EVC2: variants seen among roughly 807,000 people sequenced by gnomAD.
The protein encoded by EVC2 is limbin.
EVC2 carries 148 observed loss-of-function variants against 149.3 expected under a neutral mutation model. That is an observed-to-expected ratio of 0.99 (90% CI 0.87 to 1.14). The LOEUF (loss-of-function observed/expected upper bound fraction) is 1.14. Ranked by LOEUF, EVC2 falls within the 50% of genes most tolerant of loss-of-function variation. The pLI is 0.00. For missense variants in EVC2, 1,854 were observed against 1,627.3 expected, an observed-to-expected ratio of 1.14 and a Z score of -2.40; for synonymous variants, 776 against 649.9, an observed-to-expected ratio of 1.19 and a Z score of -2.95.
intron 16 of EVC2, among the ~76,000 whole-genome samples, chr4:5,589,128 A>C (rs1457225537): frequency 1.3e-5 from 2 of 152,220 alleles, no homozygotes; most frequent in Admixed American, 1.3e-4. Flanking sequence ...GTGTTTCTAT[A>C]ATTATTGAGC....
chr4:5,633,922 G>T lies in EVC2; in HGVS notation c.1471-1890C>A, dbSNP rs930110081. 6.6e-6 allele frequency among the ~76,000 whole-genome samples: 1 copy of T among 152,190 alleles called. No homozygotes were observed. On this transcript the variant is annotated intron_variant, in intron 10 of 21. Coordinates refer to ENST00000344408, the MANE Select transcript of EVC2 (RefSeq NM_147127.5). The surrounding 1 kb of genome is among the most constrained non-coding windows in gnomAD (Gnocchi z 4.4). Reference sequence around the variant, plus strand: ...GACATGCTGATCTCTAGCTTTCTCCGTCTCTCCAGTCCCTTTTACTTATTG... The same window carrying T: ...GACATGCTGATCTCTAGCTTTCTCCTTCTCTCCAGTCCCTTTTACTTATTG...
the EVC2 span, among the ~76,000 whole-genome samples, chr4:5,535,550 GA>G: frequency 6.6e-6 from 1 of 151,194 alleles, no homozygotes; most frequent in Admixed American, 6.6e-5. The surrounding 1 kb of genome is among the most constrained non-coding windows in gnomAD (Gnocchi z 4.7). Context: ...TCTGGAGACT[GA>G]AAGGCCAAGA....
At position 5,663,134 on chromosome 4, in the gene EVC2, G is replaced by C; in HGVS notation, c.1118C>G (p.Pro373Arg). 6.2e-7 allele frequency: 1 copy of C among 1,614,158 alleles called. No homozygotes were observed. Among genetic ancestry groups the C allele is most frequent in the Non-Finnish European group, 8.5e-7 (1 of 1,179,994 alleles). ...QMIDILSSED[P>R]GSMLQALEEL... The stretch of plus-strand genomic sequence containing the variant: ...TTCTAAGGCTTGAAGCATGCTCCCA[G>C]GGTCCTCGGAAGACAGAATGTCTAT... Residue 373 changes from proline (P) to arginine (R), a missense_variant, in exon 9 of 22, where the codon CCT becomes CGT. By Grantham distance (103) the Pro-to-Arg change is moderately radical. Coordinates refer to ENST00000344408, the MANE Select transcript of EVC2 (RefSeq NM_147127.5).
downstream of EVC2, among the ~76,000 whole-genome samples, chr4:5,539,705 A>T (rs1216705322): frequency 6.6e-6 from 1 of 152,148 alleles, no homozygotes; most frequent in East Asian, 1.9e-4. Context: ...TCAAAAAATG[A>T]TGTTGTACAA....
intron 9 of EVC2, among the ~76,000 whole-genome samples, chr4:5,650,622 TATATATATATATATATAG>T (rs1264021242): frequency 2.1e-4 from 18 of 86,504 alleles, no homozygotes; most frequent in East Asian, 4.6e-4. Flanking sequence ...TATATATATA[TATATATATATATATATAG>T]AGAGAGAGAG....
rs1716887265 is a variant in EVC2 at position 5,636,311 on chromosome 4, A to G, written c.1470+4203T>C. ...CATTATATACGCATTTAAATATTATAGTATGAACAAATTTCAGCTCTACAT... is the reference window on the plus strand; with the variant it reads ...CATTATATACGCATTTAAATATTATGGTATGAACAAATTTCAGCTCTACAT... On this transcript the variant is annotated intron_variant, in intron 10 of 21. Coordinates refer to ENST00000344408, the MANE Select transcript of EVC2 (RefSeq NM_147127.5). This position sits in a 1 kb window ranked among gnomAD's most constrained non-coding sequence, Gnocchi z 4.6. 6.6e-6 allele frequency among the ~76,000 whole-genome samples: 1 copy of G among 152,208 alleles called. No individual in the cohort carries two copies. The highest frequency in any genetic ancestry group is 2.1e-4 in the South Asian group (1 of 4,830).
In EVC2 at chr4:5,609,831, C is replaced by T. The variant is rs374482541; in HGVS notation, c.2829+5591G>A. On this transcript the variant is annotated intron_variant, in intron 16 of 21. Transcript: ENST00000344408. ...ACACAGAACAGAGAGCTTCTGCTTC[C>T]CGTGCTGGGTCTGCCACTGCCTGGC... is the stretch of plus-strand genomic sequence containing the variant. 9.8e-5 allele frequency among the ~76,000 whole-genome samples: 15 copies of T among 152,306 alleles called. No individual in the cohort carries two copies. In the East Asian group the frequency reaches 2.9e-3, roughly 29 times the overall value.
intron 17 of EVC2, among the ~76,000 whole-genome samples, chr4:5,580,341 T>C (rs139152577): frequency 9.2e-5 from 14 of 152,370 alleles, no homozygotes; most frequent in Non-Finnish European, 1.6e-4. Flanking sequence ...ATCTGATTTA[T>C]CAGCTGTTCC....
intron 17 of EVC2, among the ~76,000 whole-genome samples, chr4:5,584,324 A>G (rs759013843): frequency 5.3e-5 from 8 of 152,214 alleles, no homozygotes; most frequent in Non-Finnish European, 7.3e-5. Flanking sequence ...ATAGGAAGAT[A>G]CACTGTTGTC....
intron 1 of EVC2, among the ~76,000 whole-genome samples, chr4:5,702,180 C>T (rs529684814): frequency 1.0e-3 from 152 of 152,258 alleles, no homozygotes; most frequent in Middle Eastern, 3.4e-3. Flanking sequence ...TTCGGGGATC[C>T]GCTCAGCTGT....
At chr4:5,703,413 A>C (rs1721951738) in intron 1 of EVC2, among the ~76,000 whole-genome samples, 1 of 152,214 alleles carries the variant, frequency 6.6e-6, no homozygotes, top group African/African-American at 2.4e-5. Context: ...AGGCACGTTG[A>C]GTGCTACATC....
At chr4:5,689,424 C>T (rs1720954590) in intron 4 of EVC2, 81 bp from the exon 5 acceptor site, 2 of 1,380,194 alleles carry the variant, frequency 1.4e-6, no homozygotes, top group South Asian at 1.2e-5. Context: ...CCAGCCTGTG[C>T]ACATTAGGCA....
chr4:5,693,428 C>T (rs1392786480), intron 3 of EVC2, among the ~76,000 whole-genome samples: 1 of 152,192 alleles, frequency 6.6e-6, no homozygotes, highest in African/African-American at 2.4e-5. Context: ...AGAGAAGACA[C>T]AGACACAGAG....
chr4:5,663,992 AC>A (rs1476295876), intron 8 of EVC2, among the ~76,000 whole-genome samples: 1 of 152,118 alleles, frequency 6.6e-6, no homozygotes, highest in Admixed American at 6.6e-5. Flanking sequence ...AATAAGCCCA[AC>A]CCTCTGATTG....
In EVC2 at chr4:5,584,855, G is replaced by C. The variant is rs1712137643; in HGVS notation, c.2830-5C>G. 3.1e-6 allele frequency: 5 copies of C among 1,614,136 alleles called. No individual in the cohort carries two copies. Among genetic ancestry groups the C allele is most frequent in the Non-Finnish European group, 4.2e-6 (5 of 1,180,034 alleles). On this transcript the variant is annotated splice_polypyrimidine_tract_variant and splice_region_variant and intron_variant, in intron 16 of 21. Coordinates refer to ENST00000344408, the MANE Select transcript of EVC2 (RefSeq NM_147127.5). ...CCGCAGCAATTCACCTCGAACCTGG[G>C]AGGGGACAGGGATGGACCCAAACCC...
At chr4:5,648,249 G>A (rs1189198882) in intron 9 of EVC2, among the ~76,000 whole-genome samples, 1 of 152,154 alleles carries the variant, frequency 6.6e-6, no homozygotes, top group East Asian at 1.9e-4. Flanking sequence ...TCTATCTAGA[G>A]CTGACATCTT....
Position 5,664,012 on chromosome 4 carries a change from A to G in EVC2, c.1006-766T>C, listed in dbSNP as rs553738912. Reference sequence around the variant, plus strand: ...GCCCAACCCTCTGATTGGATAAGAGATATCTGTGTTGTCTCCAATATCATT... The same window carrying G: ...GCCCAACCCTCTGATTGGATAAGAGGTATCTGTGTTGTCTCCAATATCATT... On this transcript the variant is annotated intron_variant, in intron 8 of 21. Coordinates refer to ENST00000344408, the MANE Select transcript of EVC2 (RefSeq NM_147127.5). 5.3e-5 allele frequency among the ~76,000 whole-genome samples: 8 copies of G among 152,308 alleles called. No individual in the cohort carries two copies. The South Asian group carries it at 1.7e-3, about 32-fold the overall frequency.
rs1018196383 is a variant in EVC2, at chr4:5,637,967, AC to A, written c.1470+2546del. Among the ~76,000 whole-genome samples, 4 of 152,188 alleles carry A rather than the reference AC, an allele frequency of 2.6e-5. No homozygotes were observed. Among genetic ancestry groups the A allele is most frequent in the Non-Finnish European group, 4.4e-5 (3 of 68,024 alleles). On this transcript the variant is annotated intron_variant, in intron 10 of 21. Transcript: ENST00000344408. The surrounding 1 kb of genome is among the most constrained non-coding windows in gnomAD (Gnocchi z 4.4). ...TAAAACTCTTTAAAAATGTAAAAAA[AC>A]ATTCTCAACTTGCAGGCCACATAAA...
At chr4:5,596,427 G>A (rs907740263) in intron 16 of EVC2, among the ~76,000 whole-genome samples, 10 of 152,036 alleles carry the variant, frequency 6.6e-5, no homozygotes, top group South Asian at 4.2e-4. Context: ...ACTCAAAACC[G>A]CTCAACTACA....
Sources: gnomAD v4.1 joint callset for allele counts (sites outside exome capture counted in the v4.1 genomes callset) on GRCh38, gnomAD v4.1.1 for gene constraint, Gnocchi (gnomAD v3.1) non-coding constraint, MANE v1.5 for transcripts, NCBI Gene and HGNC (gene_info 2026-07-23, HGNC 2026-07-21) for gene names.